Variants in IRF2 observed in about 807,000 individuals in gnomAD.
IRF2 encodes the protein interferon regulatory factor 2.
IRF2 carries 15 observed loss-of-function variants against 40.6 expected under a neutral mutation model. The ratio of observed to expected loss-of-function variants is 0.37; its 90% CI spans 0.25 to 0.57. The LOEUF (loss-of-function observed/expected upper bound fraction) is 0.57, where lower values mean the gene tolerates loss of function less well. Among genes scored for constraint, IRF2 ranks in the 20% least tolerant of loss-of-function variants. The pLI, the probability that IRF2 is intolerant of heterozygous loss-of-function variation, is 0.77. For synonymous variants in IRF2, 151 were observed against 165.5 expected (o/e 0.91, Z 0.67); for missense variants, 317 against 455.7 (o/e 0.70, Z 2.77).
chr4:184,451,364 A>T (rs1210541910), intron 1 of IRF2, among the ~76,000 whole-genome samples: 1 of 152,186 alleles, frequency 6.6e-6, no homozygotes. Flanking sequence ...CTAGGGAGAT[A>T]ATAGTGGTGG....
chr4:184,388,893 C>G lies in IRF2; in HGVS notation c.915G>C (p.Trp305Cys), dbSNP rs2149889285. The G allele has an allele frequency of 1.9e-6, 3 of 1,613,896 alleles. No homozygotes were observed. The highest frequency in any genetic ancestry group is 2.5e-6 in the Non-Finnish European group (3 of 1,179,968). ...ESNPVPYNSS[W>C]PPFQDLPLSS... ...AAAGGGGGAGGTCTTGAAAAGGGGG[C>G]CAGGAGCTGTTGTAAGGCACCGGAT... is the stretch of plus-strand genomic sequence containing the variant. Residue 305 changes from tryptophan (W) to cysteine (C), a missense_variant, in exon 9 of 9, where the codon TGG (tryptophan) becomes TGC (cysteine). Coordinates refer to ENST00000393593, the MANE Select transcript of IRF2 (RefSeq NM_002199.4). This position sits in a 1 kb window ranked among gnomAD's most constrained non-coding sequence, Gnocchi z 4.6.
intron 7 of IRF2, among the ~76,000 whole-genome samples, chr4:184,396,299 C>T (rs1358075995): frequency 2.0e-5 from 3 of 152,154 alleles, no homozygotes; most frequent in African/African-American, 4.8e-5. Context: ...TCCAGGGCAG[C>T]GACACAGGGC....
At chr4:184,438,130 T>C (rs973447235) in intron 1 of IRF2, among the ~76,000 whole-genome samples, 2 of 152,192 alleles carry the variant, frequency 1.3e-5, no homozygotes, top group Non-Finnish European at 2.9e-5. Context: ...CATGCGTTAT[T>C]TCACTTAATC....
chr4:184,455,868 G>T (rs1738906005), intron 1 of IRF2, among the ~76,000 whole-genome samples: 1 of 152,164 alleles, frequency 6.6e-6, no homozygotes, highest in African/African-American at 2.4e-5. Flanking sequence ...CTTACCCCGA[G>T]CCAACCGCAT....
At chr4:184,451,954 CT>C (rs1738728819) in intron 1 of IRF2, among the ~76,000 whole-genome samples, 2 of 152,192 alleles carry the variant, frequency 1.3e-5, no homozygotes, top group Admixed American at 6.5e-5. Flanking sequence ...AAGAGGAAGC[CT>C]TTTGACCCTG....
At chr4:184,439,193 CA>C (rs1738199488) in intron 1 of IRF2, among the ~76,000 whole-genome samples, 1 of 151,986 alleles carries the variant, frequency 6.6e-6, no homozygotes, top group African/African-American at 2.4e-5. Flanking sequence ...GTAGATTTTT[CA>C]GGATGAATGA....
intron 6 of IRF2, among the ~76,000 whole-genome samples, chr4:184,400,395 A>G (rs1376551154): frequency 6.6e-6 from 1 of 152,158 alleles, no homozygotes; most frequent in Non-Finnish European, 1.5e-5. Flanking sequence ...TGTATCAGTC[A>G]TCGGTTCCTT....
chr4:184,439,211 AG>A (rs1169092121), intron 1 of IRF2, among the ~76,000 whole-genome samples: 3 of 152,064 alleles, frequency 2.0e-5, no homozygotes, highest in Non-Finnish European at 4.4e-5. Context: ...ATGATGAGGC[AG>A]GACTGCTACT....
chr4:184,390,298 G>C (rs775335069), intron 8 of IRF2, among the ~76,000 whole-genome samples: 3 of 152,184 alleles, frequency 2.0e-5, no homozygotes, highest in Admixed American at 6.5e-5. Context: ...GGGAACCCAC[G>C]CACACGTGGA....
chr4:184,442,231 C>T (rs559875336), intron 1 of IRF2, among the ~76,000 whole-genome samples: 2 of 152,270 alleles, frequency 1.3e-5, no homozygotes, highest in East Asian at 3.9e-4. Context: ...GTTTCCTGGC[C>T]AACCCGAGCT....
chr4:184,447,270 G>T (rs1738546432), intron 1 of IRF2, among the ~76,000 whole-genome samples: 1 of 152,100 alleles, frequency 6.6e-6, no homozygotes, highest in African/African-American at 2.4e-5. Flanking sequence ...AGCTCCCACT[G>T]GCCACATCTA....
intron 6 of IRF2, among the ~76,000 whole-genome samples, chr4:184,401,986 C>T (rs1674055195): frequency 6.6e-6 from 1 of 152,192 alleles, no homozygotes. Context: ...CACTGCTTCT[C>T]CCCATGACGT....
chr4:184,444,751 A>G (rs1174558290), intron 1 of IRF2, among the ~76,000 whole-genome samples: 5 of 152,260 alleles, frequency 3.3e-5, no homozygotes, highest in Admixed American at 2.6e-4. Flanking sequence ...ACATTCCATC[A>G]TGCTACTTGC....
At chr4:184,470,270 T>C (rs1432680568) in intron 1 of IRF2, among the ~76,000 whole-genome samples, 1 of 152,216 alleles carries the variant, frequency 6.6e-6, no homozygotes, top group Admixed American at 6.5e-5. Flanking sequence ...TTGCATATAT[T>C]ACGTATTGTA....
At chr4:184,455,034 C>T (rs886866470) in intron 1 of IRF2, among the ~76,000 whole-genome samples, 3 of 152,152 alleles carry the variant, frequency 2.0e-5, no homozygotes, top group Admixed American at 2.0e-4. Flanking sequence ...ATATTCTCCA[C>T]CCTGCACATT....
intron 1 of IRF2, 113 bp from the exon 2 acceptor site, chr4:184,429,183 G>GGC: frequency 1.6e-6 from 1 of 610,602 alleles, no homozygotes; most frequent in Non-Finnish European, 2.9e-6. Context: ...TGGGGCTGGG[G>GGC]ACCAGGGGGC....
In IRF2 at chr4:184,446,531, T is replaced by C. The variant is rs577155429; in HGVS notation, c.-6-17461A>G. Among the ~76,000 whole-genome samples, 10 of 152,204 alleles carry C rather than the reference T, an allele frequency of 6.6e-5. No homozygotes were observed. In the South Asian group the frequency reaches 2.1e-3, roughly 32 times the overall value. Reference sequence around the variant, plus strand: ...TACACACAGGCAACTGAGTAAATTATATTATATACCAGGGTAATGGAAGTG... The same window carrying C: ...TACACACAGGCAACTGAGTAAATTACATTATATACCAGGGTAATGGAAGTG... On this transcript the variant is annotated intron_variant, in intron 1 of 8. Coordinates refer to ENST00000393593, the MANE Select transcript of IRF2 (RefSeq NM_002199.4).
At chr4:184,416,019 C>T (rs1356251169) in intron 5 of IRF2, among the ~76,000 whole-genome samples, 1 of 152,094 alleles carries the variant, frequency 6.6e-6, no homozygotes, top group African/African-American at 2.4e-5. Context: ...AAAACGTAGG[C>T]CTTAAAAATA....
chr4:184,455,510 T>C lies in IRF2; in HGVS notation c.-7+18869A>G, dbSNP rs115850360. On this transcript the variant is annotated intron_variant, in intron 1 of 8. Coordinates refer to ENST00000393593, the MANE Select transcript of IRF2 (RefSeq NM_002199.4). ...GTACTTGGCAACGGGCTTATCTCTG[T>C]ATAAAGTCCTGTGAGGAGGAGTCCC... Among the ~76,000 whole-genome samples, 319 of 151,566 alleles carry C rather than the reference T, an allele frequency of 2.1e-3. 1 individual carries two copies. The highest frequency in any genetic ancestry group is 7.3e-3 in the African/African-American group (301 of 41,274).
Sources: allele counts gnomAD v4.1 joint callset (sites outside exome capture counted in the v4.1 genomes callset), GRCh38; gene constraint gnomAD v4.1.1; non-coding constraint Gnocchi (gnomAD v3.1); transcripts MANE v1.5; gene names NCBI Gene and HGNC (gene_info 2026-07-23, HGNC 2026-07-21).